Variants in DOK3 observed in about 807,000 individuals in gnomAD.
The protein encoded by DOK3 is docking protein 3.
Under a neutral mutation model 26.2 loss-of-function variants are expected in DOK3, and 23 were observed. The ratio of observed to expected loss-of-function variants is 0.88; its 90% CI spans 0.63 to 1.24. DOK3 has a LOEUF of 1.24. Ranked by LOEUF, DOK3 falls within the 50% of genes most tolerant of loss-of-function variation. The pLI, the probability that DOK3 is intolerant of heterozygous loss-of-function variation, is 0.00. For missense variants in DOK3, 619 were observed against 610.6 expected (o/e 1.01, Z -0.15); for synonymous variants, 268 against 268.2 (o/e 1.00, Z 0.01).
chr5:177,507,056 A>G (rs1452225861), intron 3 of DOK3, among the ~76,000 whole-genome samples: 1 of 151,700 alleles, frequency 6.6e-6, no homozygotes, highest in African/African-American at 2.4e-5. Context: ...CTTTTCCATC[A>G]TCCCACATGG....
chr5:177,509,521 G>C lies in DOK3; in HGVS notation c.20C>G (p.Pro7Arg), dbSNP rs1163933870. 1 of 1,610,714 alleles carries C rather than the reference G, an allele frequency of 6.2e-7. No individual in the cohort carries two copies. Among genetic ancestry groups the C allele is most frequent in the Non-Finnish European group, 8.5e-7 (1 of 1,178,448 alleles). Residue 7 changes from proline to arginine, a missense_variant, in exon 2 of 6, where the codon CCT becomes CGT. By Grantham distance (103) the Pro-to-Arg change is moderately radical. Transcript: ENST00000510898. MDPLET[P>R]IKDGILYQQH... The stretch of plus-strand genomic sequence containing the variant: ...CTGGTAGAGGATGCCATCCTTGATA[G>C]GGGTCTCCAGAGGGTCCATGGTCAC...
rs1368898881 is a variant in DOK3, at chr5:177,502,042, C to CA, written c.*1940dup. On this transcript the variant is annotated 3_prime_UTR_variant, in exon 6 of 6. Coordinates refer to ENST00000510898, the MANE Select transcript of DOK3 (RefSeq NM_001308236.3). Reference sequence around the variant, plus strand: ...TGAGCCTAGGACCCTGGGAAGAACTCAGAGAAGGCAGCAGTAGAGGCTGGG... The same window carrying CA: ...TGAGCCTAGGACCCTGGGAAGAACTCAAGAGAAGGCAGCAGTAGAGGCTGGG... 2.0e-5 allele frequency: 3 copies of CA among 152,204 alleles called. No homozygotes were observed. Among genetic ancestry groups the CA allele is most frequent in the Non-Finnish European group, 4.4e-5 (3 of 68,068 alleles). 9.4% of individuals were successfully genotyped at this position (152,204 alleles called of 1,614,324 possible). A position where few individuals can be genotyped will look rare whatever the true frequency, so the allele number is the denominator to read the frequency against.
rs1218281918 is a variant in DOK3 at position 177,508,400 on chromosome 5, C to T, written c.209G>A (p.Arg70Gln). 16 of 1,603,294 alleles carry T rather than the reference C, an allele frequency of 1.0e-5. No individual in the cohort carries two copies. The highest frequency in any genetic ancestry group is 2.2e-5 in the South Asian group (2 of 90,576). ...SAGPGRRGERRVIRLADCVSV... is the reference protein window; with the variant it reads ...SAGPGRRGERQVIRLADCVSV... The stretch of plus-strand genomic sequence containing the variant: ...CACACAGTCAGCCAGGCGGATGACC[C>T]GTCGCTCCCCTCGCCGGCCAGGCCC... The change falls in exon 3 of 6, where the codon CGG (arginine) becomes CAG (glutamine). Residue 70 changes from arginine (R) to glutamine (Q), a missense_variant. By Grantham distance (43) the Arg-to-Gln change is conservative. Transcript: ENST00000510898.
In DOK3 at chr5:177,504,057, C is replaced by T. The variant is rs1419064905; in HGVS notation, c.1249G>A (p.Gly417Ser). 1 of 1,603,896 alleles carries T rather than the reference C, an allele frequency of 6.2e-7. No individual in the cohort carries two copies. Reference protein sequence around the residue: ...EGTGRPDPQAGFKAKLVTLLS... With the variant: ...EGTGRPDPQASFKAKLVTLLS... ...AGGGTCACCAGCTTGGCCTTGAAAC[C>T]TGCCTGAGGGTCAGGGCGGCCTGTG... Residue 417 changes from glycine to serine, a missense_variant, in exon 6 of 6, where the codon GGT becomes AGT. Coordinates refer to ENST00000510898, the MANE Select transcript of DOK3 (RefSeq NM_001308236.3).
At chr5:177,505,141 G>A in intron 3 of DOK3, 31 bp from the exon 4 acceptor site, 1 of 1,565,596 alleles carries the variant, frequency 6.4e-7, no homozygotes, top group Non-Finnish European at 8.7e-7. Context: ...AAAGGTGAGA[G>A]CACCGCACTC....
chr5:177,506,028 G>A (rs1283879983), intron 3 of DOK3, among the ~76,000 whole-genome samples: 13 of 140,688 alleles, frequency 9.2e-5, no homozygotes, highest in African/African-American at 1.4e-4. Flanking sequence ...ATGAGCCACC[G>A]CGCCCAGCCC....
Position 177,503,287 on chromosome 5 carries a change from C to T in DOK3, c.*696G>A. On this transcript the variant is annotated 3_prime_UTR_variant, in exon 6 of 6. Transcript: ENST00000510898. ...CGGCTGTGTCCCCCAGCGCCTGGCA[C>T]TGAGTAGGCACGCAGCAAACTCTCA... The T allele has an allele frequency of 1.3e-6, 2 of 1,550,844 alleles. No individual in the cohort carries two copies. The highest frequency in any genetic ancestry group is 8.7e-7 in the Non-Finnish European group (1 of 1,146,172).
At position 177,503,349 on chromosome 5, in the gene DOK3, C is replaced by T. The variant is rs1347993806; in HGVS notation, c.*634G>A. 7 of 1,549,398 alleles carry T rather than the reference C, an allele frequency of 4.5e-6. No individual in the cohort carries two copies. In the African/African-American group the frequency reaches 9.6e-5, roughly 21 times the overall value. On this transcript the variant is annotated 3_prime_UTR_variant, in exon 6 of 6. Coordinates refer to ENST00000510898, the MANE Select transcript of DOK3 (RefSeq NM_001308236.3). The stretch of plus-strand genomic sequence containing the variant: ...GCCTGATACGTCATCGGTTCTCTCT[C>T]CTTTACAGATGAGGAGACTGACGCC...
Position 177,503,529 on chromosome 5 carries a change from C to T in DOK3, c.*454G>A. The T allele has an allele frequency of 7.0e-7, 1 of 1,424,426 alleles. No homozygotes were observed. Among genetic ancestry groups the T allele is most frequent in the Non-Finnish European group, 9.2e-7 (1 of 1,088,682 alleles). The allele number at this position is 1,424,426 out of a possible 1,614,324, so 88.2% of individuals were successfully genotyped here. A position where few individuals can be genotyped will look rare whatever the true frequency, so the allele number is the denominator to read the frequency against. On this transcript the variant is annotated 3_prime_UTR_variant, in exon 6 of 6. Coordinates refer to ENST00000510898, the MANE Select transcript of DOK3 (RefSeq NM_001308236.3). ...GGTCTCCAGTTGGGCCCTCATGTTG[C>T]TCCTTCCTGAGTCTGACAAGTAAGC...
rs747834256 is a variant in DOK3 at position 177,509,666 on chromosome 5, CG to C, written c.-117-10del. On this transcript the variant is annotated splice_polypyrimidine_tract_variant and intron_variant, in intron 1 of 5. Transcript: ENST00000510898. The stretch of plus-strand genomic sequence containing the variant: ...CCTCCGTCTAGAGACAGCTGCAGGC[CG>C]GGGGGAGGGGAGCCTGTCTTCAGCT... The C allele has an allele frequency of 1.8e-5, 29 of 1,589,388 alleles. No homozygotes were observed. Among genetic ancestry groups the C allele is most frequent in the Middle Eastern group, 1.7e-4 (1 of 5,976 alleles).
In DOK3 at chr5:177,502,861, G is replaced by C; in HGVS notation, c.*1122C>G. ...GAGAACAGGGGGAAGGGACTATGGAGAACAAAGAGGGGATGGTGGGCAGAG... is the reference window on the plus strand; with the variant it reads ...GAGAACAGGGGGAAGGGACTATGGACAACAAAGAGGGGATGGTGGGCAGAG... On this transcript the variant is annotated 3_prime_UTR_variant, in exon 6 of 6. Transcript: ENST00000510898. 1 of 599,256 alleles carries C rather than the reference G, an allele frequency of 1.7e-6. No individual in the cohort carries two copies. The highest frequency in any genetic ancestry group is 2.9e-6 in the Non-Finnish European group (1 of 341,050). The allele number at this position is 599,256 out of a possible 1,614,324, so 37.1% of individuals were successfully genotyped here. A position where few individuals can be genotyped will look rare whatever the true frequency, so the allele number is the denominator to read the frequency against.
rs1184952870 is a variant in DOK3, at chr5:177,504,578, A to G, written c.728T>C (p.Leu243Pro). Residue 243 changes from leucine (L) to proline (P), a missense_variant, in exon 6 of 6, where the codon CTG becomes CCG. Physicochemically the swap from Leu to Pro is moderately conservative, Grantham distance 98 (BLOSUM62 -3). Transcript: ENST00000510898. Reference protein sequence around the residue: ...FAFSTPCAPDLCRAVAGAIAR... With the variant: ...FAFSTPCAPDPCRAVAGAIAR... ...GATGGCCCCGGCCACAGCCCTGCAC[A>G]GGTCAGGGGCACAGGGGGTGCTGAA... 5.0e-6 allele frequency: 8 copies of G among 1,605,324 alleles called. No individual in the cohort carries two copies. Among genetic ancestry groups the G allele is most frequent in the Non-Finnish European group, 6.8e-6 (8 of 1,177,296 alleles).
At position 177,508,371 on chromosome 5, in the gene DOK3, C is replaced by G. The variant is rs758334169; in HGVS notation, c.238G>C (p.Val80Leu). The G allele has an allele frequency of 2.5e-6, 4 of 1,602,780 alleles. No individual in the cohort carries two copies. Among genetic ancestry groups the G allele is most frequent in the Non-Finnish European group, 3.4e-6 (4 of 1,179,110 alleles). Residue 80 changes from valine (V) to leucine (L), a missense_variant, in exon 3 of 6, where the codon GTG (valine) becomes CTG (leucine). By Grantham distance (32) the Val-to-Leu change is conservative (BLOSUM62 1). Transcript: ENST00000510898. The stretch of plus-strand genomic sequence containing the variant: ...CAGCTCTCGCCGTCAGCCGGCAGCA[C>G]GGACACACAGTCAGCCAGGCGGATG... ...RVIRLADCVSVLPADGESCPR... is the reference protein window; with the variant it reads ...RVIRLADCVSLLPADGESCPR...
In DOK3 at chr5:177,508,340, C is replaced by T. The variant is rs142573859; in HGVS notation, c.269G>A (p.Arg90Gln). 18 of 1,597,986 alleles carry T rather than the reference C, an allele frequency of 1.1e-5. No homozygotes were observed. The highest frequency in any genetic ancestry group is 1.5e-5 in the Non-Finnish European group (18 of 1,177,716). Residue 90 changes from arginine to glutamine, a missense_variant, in exon 3 of 6, where the codon CGG becomes CAG. Transcript: ENST00000510898. Reference protein sequence around the residue: ...VLPADGESCPRDTGAFLLTTT... With the variant: ...VLPADGESCPQDTGAFLLTTT... ...GGTGAGCAGGAAGGCACCGGTGTCC[C>T]GGGGGCAGCTCTCGCCGTCAGCCGG... is the stretch of plus-strand genomic sequence containing the variant.
chr5:177,503,097 G>A lies in DOK3; in HGVS notation c.*886C>T, dbSNP rs1336021318. 2 of 1,550,166 alleles carry A rather than the reference G, an allele frequency of 1.3e-6. No homozygotes were observed. The highest frequency in any genetic ancestry group is 2.7e-5 in the African/African-American group (2 of 73,002). ...TGAGGTGGAGTTGCGGTGAGGGGCT[G>A]GGCAGTCAGAGCCCTGGAGGCATGA... On this transcript the variant is annotated 3_prime_UTR_variant, in exon 6 of 6. Transcript: ENST00000510898.
Position 177,508,347 on chromosome 5 carries a change from A to C in DOK3, c.262T>G (p.Cys88Gly), listed in dbSNP as rs1280058022. 5.6e-6 allele frequency: 9 copies of C among 1,599,298 alleles called. No individual in the cohort carries two copies. Among genetic ancestry groups the C allele is most frequent in the Non-Finnish European group, 7.6e-6 (9 of 1,178,228 alleles). The change falls in exon 3 of 6, where the codon TGC (cysteine) becomes GGC (glycine). Residue 88 changes from cysteine to glycine, a missense_variant. Transcript: ENST00000510898. ...VSVLPADGES[C>G]PRDTGAFLLT... ...AGGAAGGCACCGGTGTCCCGGGGGC[A>C]GCTCTCGCCGTCAGCCGGCAGCACG...
Position 177,502,950 on chromosome 5 carries a change from G to T in DOK3, c.*1033C>A. 8.6e-7 allele frequency: 1 copy of T among 1,158,650 alleles called. No individual in the cohort carries two copies. Among genetic ancestry groups the T allele is most frequent in the Non-Finnish European group, 1.2e-6 (1 of 830,244 alleles). 71.8% of individuals were successfully genotyped at this position (1,158,650 alleles called of 1,614,324 possible). A position where few individuals can be genotyped will look rare whatever the true frequency, so the allele number is the denominator to read the frequency against. On this transcript the variant is annotated 3_prime_UTR_variant, in exon 6 of 6. Transcript: ENST00000510898. ...TGCCTAGGCAGGGGCGGTACTGGCC[G>T]CACTAAAGGAAGTGAGCTGGAAGGA...
chr5:177,509,310 G>T, intron 2 of DOK3, 165 bp downstream of exon 2: 1 of 852,824 alleles, frequency 1.2e-6, no homozygotes, highest in Non-Finnish European at 1.8e-6. Flanking sequence ...GTCTCAGGCT[G>T]ACACCCGCAC....
At position 177,503,725 on chromosome 5, in the gene DOK3, C is replaced by T. The variant is rs924908792; in HGVS notation, c.*258G>A. On this transcript the variant is annotated 3_prime_UTR_variant, in exon 6 of 6. Transcript: ENST00000510898. ...ACCGGCACAGGGTGCTTGTGTTGGC[C>T]GCAATGAACGTGGGCAGGGGCGTGT... 1.3e-5 allele frequency: 18 copies of T among 1,405,364 alleles called. No homozygotes were observed. The South Asian group carries it at 1.3e-4, about 10-fold the overall frequency. The allele number at this position is 1,405,364 out of a possible 1,614,324, so 87.1% of individuals were successfully genotyped here.
Sources: gnomAD v4.1 joint callset for allele counts (sites outside exome capture counted in the v4.1 genomes callset) on GRCh38, gnomAD v4.1.1 for gene constraint, MANE v1.5 for transcripts, NCBI Gene and HGNC (gene_info 2026-07-23, HGNC 2026-07-21) for gene names.